The following KCNQ2 variants were observed in gnomAD, a reference collection of about 807,000 sequenced individuals.
KCNQ2 encodes potassium voltage-gated channel subfamily Q member 2, also known as potassium voltage-gated channel subfamily KQT member 2.
KCNQ2 carries 14 observed loss-of-function variants against 84.8 expected under a neutral mutation model. The observed-to-expected ratio is 0.17, with a 90% CI of 0.11 to 0.26. The LOEUF (loss-of-function observed/expected upper bound fraction) is 0.26. Among genes scored for constraint, KCNQ2 ranks in the 10% least tolerant of loss-of-function variants. The probability of loss-of-function intolerance (pLI) is 1.00; values close to 1 mark genes in which losing one functional copy is unlikely to be tolerated. For synonymous variants in KCNQ2, 599 were observed against 554.1 expected, an observed-to-expected ratio of 1.08 and a Z score of -1.14; for missense variants, 788 against 1,254.0, an observed-to-expected ratio of 0.63 and a Z score of 5.61.
chr20:63,433,111 A>G (rs528280178), intron 8 of KCNQ2, among the ~76,000 whole-genome samples: 15 of 152,326 alleles, frequency 9.8e-5, no homozygotes, highest in African/African-American at 3.4e-4. Flanking sequence ...AGCAAGAGCC[A>G]GGCAACGAAA....
In KCNQ2 at chr20:63,402,400, G is replaced by A. The variant is rs2079829522; in HGVS notation, c.*4244C>T. ...CATAGCTCAGGAGGGCGGGGACAAG[G>A]GCGTTTCTGCAAAGCTCTCACAGCT... On this transcript the variant is annotated 3_prime_UTR_variant, in exon 17 of 17. Transcript: ENST00000359125. 6.6e-6 allele frequency: 1 copy of A among 152,514 alleles called. No homozygotes were observed. The highest frequency in any genetic ancestry group is 2.4e-5 in the African/African-American group (1 of 41,458). 9.4% of individuals were successfully genotyped at this position (152,514 alleles called of 1,614,324 possible).
At chr20:63,418,334 G>A (rs3787130) in intron 12 of KCNQ2, among the ~76,000 whole-genome samples, 31,701 of 152,150 alleles carry the variant, frequency 0.21, 4,089 homozygotes, top group East Asian at 0.66. Flanking sequence ...CTGAGAGCGC[G>A]CCATCCCCAC....
intron 15 of KCNQ2, chr20:63,409,977 G>C (rs912696006): frequency 6.6e-6 from 2 of 301,480 alleles, no homozygotes; most frequent in Non-Finnish European, 1.3e-5. Context: ...CTGATGGGAG[G>C]GGGGAGGGTG....
rs558686253 is a variant in KCNQ2, at chr20:63,420,954, G to A, written c.1248-1282C>T. ...CTGCGCCTGGCTTGAGGTTCTGGCTGCTCAGAGTCTCTCCCGCTGTGACCA... is the reference window on the plus strand; with the variant it reads ...CTGCGCCTGGCTTGAGGTTCTGGCTACTCAGAGTCTCTCCCGCTGTGACCA... On this transcript the variant is annotated intron_variant, in intron 11 of 16. Coordinates refer to ENST00000359125, the MANE Select transcript of KCNQ2 (RefSeq NM_172107.4). Among the ~76,000 whole-genome samples, 10 of 152,228 alleles carry A rather than the reference G, an allele frequency of 6.6e-5. No homozygotes were observed. The East Asian group carries it at 7.7e-4, about 12-fold the overall frequency.
chr20:63,432,960 G>A (rs1255467756), intron 8 of KCNQ2, among the ~76,000 whole-genome samples: 2 of 152,198 alleles, frequency 1.3e-5, no homozygotes, highest in Non-Finnish European at 2.9e-5. Flanking sequence ...GCGGGAGCTG[G>A]GAAGTCCCGG....
chr20:63,459,213 C>G (rs1050522889), intron 1 of KCNQ2: 1 of 152,310 alleles, frequency 6.6e-6, no homozygotes, highest in African/African-American at 2.4e-5. Context: ...ACTCCACTTA[C>G]ACGAAACATC....
At position 63,419,667 on chromosome 20, in the gene KCNQ2, C is replaced by A. The variant is rs201750561; in HGVS notation, c.1253G>T (p.Gly418Val). ...DPPPEPSPSK[G>V]SPCRGPLCGC... Reference sequence around the variant, plus strand: ...ACACAGGGGCCCTCTGCACGGGCTGCCTTTACTGGAAATGAGGAGAGCACA... The same window carrying A: ...ACACAGGGGCCCTCTGCACGGGCTGACTTTACTGGAAATGAGGAGAGCACA... The change falls in exon 12 of 17, where the codon GGC becomes GTC. Residue 418 changes from glycine to valine, a missense_variant. Gly to Val is a moderately radical substitution (Grantham distance 109). This residue lies in a region of KCNQ2 where 202 missense variants were observed against 239.4 expected (regional missense o/e 0.84). Coordinates refer to ENST00000359125, the MANE Select transcript of KCNQ2 (RefSeq NM_172107.4). 1.3e-4 allele frequency: 214 copies of A among 1,610,856 alleles called. No individual in the cohort carries two copies. The East Asian group carries it at 4.1e-3, about 31-fold the overall frequency.
intron 3 of KCNQ2, 108 bp from the exon 4 acceptor site, chr20:63,444,942 T>C: frequency 1.6e-6 from 2 of 1,262,548 alleles, no homozygotes; most frequent in Non-Finnish European, 1.1e-6. Context: ...GGCGGGAAGG[T>C]GTATGCCCAG....
rs1057517919 is a variant in KCNQ2 at position 63,413,534 on chromosome 20, C to T, written c.1679G>A (p.Arg560Gln). Residue 560 changes from arginine to glutamine, a missense_variant, in exon 15 of 17, where the codon CGG (arginine) becomes CAG (glutamine). Around this residue, in one of 8 missense-constraint regions of KCNQ2, gnomAD observed 15 missense variants for 69.1 expected, o/e 0.22. Coordinates refer to ENST00000359125, the MANE Select transcript of KCNQ2 (RefSeq NM_172107.4). ...VSKRKFKESL[R>Q]PYDVMDVIEQ... ...GATGACGTCCATCACGTCGTAGGGCCGCAGGCTCTCCTTGAACTTCCGCTT... is the reference window on the plus strand; with the variant it reads ...GATGACGTCCATCACGTCGTAGGGCTGCAGGCTCTCCTTGAACTTCCGCTT... 1 of 1,613,432 alleles carries T rather than the reference C, an allele frequency of 6.2e-7. No homozygotes were observed. The highest frequency in any genetic ancestry group is 8.5e-7 in the Non-Finnish European group (1 of 1,180,000).
At chr20:63,451,423 T>C (rs1039013742) in intron 1 of KCNQ2, among the ~76,000 whole-genome samples, 1 of 152,120 alleles carries the variant, frequency 6.6e-6, no homozygotes, top group Admixed American at 6.5e-5. Flanking sequence ...CTGACCAACA[T>C]GGAGTGGCCG....
At chr20:63,459,707 C>T (rs2081900180) in intron 1 of KCNQ2, among the ~76,000 whole-genome samples, 1 of 152,144 alleles carries the variant, frequency 6.6e-6, no homozygotes, top group Admixed American at 6.5e-5. Flanking sequence ...GAATTACTCG[C>T]TTTAAAATGC....
intron 1 of KCNQ2, among the ~76,000 whole-genome samples, chr20:63,453,485 G>A (rs1450563804): frequency 2.0e-5 from 3 of 152,210 alleles, no homozygotes; most frequent in Non-Finnish European, 2.9e-5. Context: ...TTCTGCGGGC[G>A]ATCCTCTGTC....
chr20:63,433,950 G>C, intron 7 of KCNQ2, 47 bp from the exon 8 acceptor site: 1 of 1,568,640 alleles, frequency 6.4e-7, no homozygotes, highest in Non-Finnish European at 8.8e-7. Context: ...GGCGGCGAGG[G>C]GCGCGCCCAG....
Position 63,407,213 on chromosome 20 carries a change from C to A in KCNQ2, c.2050G>T (p.Gly684Cys). 6.2e-7 allele frequency: 1 copy of A among 1,605,138 alleles called. No individual in the cohort carries two copies. Among genetic ancestry groups the A allele is most frequent in the Non-Finnish European group, 8.5e-7 (1 of 1,179,548 alleles). The change falls in exon 17 of 17, where the codon GGC (glycine) becomes TGC (cysteine). Residue 684 changes from glycine (G) to cysteine (C), a missense_variant. Coordinates refer to ENST00000359125, the MANE Select transcript of KCNQ2 (RefSeq NM_172107.4). The surrounding 1 kb of genome is among the most constrained non-coding windows in gnomAD (Gnocchi z 7.2). Reference protein sequence around the residue: ...EDSREHVDRHGCIVKIVRSSS... With the variant: ...EDSREHVDRHCCIVKIVRSSS... ...GAGCGCACGATCTTGACAATGCAGCCGTGCCTGTCGACATGCTCCCGGCTG... is the reference window on the plus strand; with the variant it reads ...GAGCGCACGATCTTGACAATGCAGCAGTGCCTGTCGACATGCTCCCGGCTG...
chr20:63,442,971 C>CTAT (rs2081257784), intron 4 of KCNQ2, among the ~76,000 whole-genome samples: 1 of 13,938 alleles, frequency 7.2e-5, no homozygotes, highest in Non-Finnish European at 1.6e-4. Context: ...ACCACCACCA[C>CTAT]CACCATCACC....
chr20:63,406,946 C>T lies in KCNQ2; in HGVS notation c.2317G>A (p.Gly773Ser), dbSNP rs1454354802. ...AGGTTCCCCTCGGGGGGCCTGCAGCCCGGGGTGTCCTCCTGCCGCAGGAAC... is the reference window on the plus strand; with the variant it reads ...AGGTTCCCCTCGGGGGGCCTGCAGCTCGGGGTGTCCTCCTGCCGCAGGAAC... The part of the protein sequence containing the change: ...MEFLRQEDTP[G>S]CRPPEGNLRD... The change falls in exon 17 of 17, where the codon GGC (glycine) becomes AGC (serine). Residue 773 changes from glycine to serine, a missense_variant. Gly to Ser is a moderately conservative substitution (Grantham distance 56, BLOSUM62 0). Around this residue, in one of 8 missense-constraint regions of KCNQ2, gnomAD observed 378 missense variants for 434.5 expected, o/e 0.87. Transcript: ENST00000359125. 6.3e-7 allele frequency: 1 copy of T among 1,585,074 alleles called. No homozygotes were observed. The highest frequency in any genetic ancestry group is 1.3e-5 in the African/African-American group (1 of 74,666).
rs368327183 is a variant in KCNQ2 at position 63,421,722 on chromosome 20, C to T, written c.1248-2050G>A. On this transcript the variant is annotated intron_variant, in intron 11 of 16. Coordinates refer to ENST00000359125, the MANE Select transcript of KCNQ2 (RefSeq NM_172107.4). ...GCCCGCACAGGCATGAGGGGGCAGC[C>T]GGTGTTGGGGGCTCCTCCTCCAGCA... 6.3e-3 allele frequency among the ~76,000 whole-genome samples: 961 copies of T among 152,254 alleles called. 9 individuals carry two copies. Among genetic ancestry groups the T allele is most frequent in the African/African-American group, 0.021 (889 of 41,528 alleles).
chr20:63,465,842 G>A (rs929504620), intron 1 of KCNQ2, among the ~76,000 whole-genome samples: 1 of 152,196 alleles, frequency 6.6e-6, no homozygotes, highest in Non-Finnish European at 1.5e-5. Flanking sequence ...AAGGGCATCC[G>A]CGTTCCGGGC....
chr20:63,440,865 G>A (rs1180139126), intron 5 of KCNQ2, among the ~76,000 whole-genome samples: 9 of 152,106 alleles, frequency 5.9e-5, no homozygotes, highest in Admixed American at 5.9e-4. Context: ...GAGTGGGCGG[G>A]AGGCTGGGCG....
Sources: allele counts gnomAD v4.1 joint callset (sites outside exome capture counted in the v4.1 genomes callset), GRCh38; gene constraint gnomAD v4.1.1; regional missense constraint gnomAD v4.1.1; non-coding constraint Gnocchi (gnomAD v3.1); transcripts MANE v1.5; gene names NCBI Gene and HGNC (gene_info 2026-07-23, HGNC 2026-07-21).